The following PLAUR variants were observed in gnomAD, a reference collection of about 807,000 sequenced individuals.
PLAUR encodes urokinase plasminogen activator surface receptor.
Under a neutral mutation model 33.4 loss-of-function variants are expected in PLAUR, and 22 were observed. That is an observed-to-expected ratio of 0.66 (90% CI 0.47 to 0.94). The LOEUF (loss-of-function observed/expected upper bound fraction) is 0.94. Among genes scored for constraint, PLAUR ranks in the 40% least tolerant of loss-of-function variants. PLAUR has a pLI of 0.00. For missense variants in PLAUR, 408 were observed against 434.7 expected, an observed-to-expected ratio of 0.94 and a Z score of 0.55; for synonymous variants, 148 against 167.3, an observed-to-expected ratio of 0.88 and a Z score of 0.89.
At chr19:43,659,334 G>C (rs1259244836) in intron 3 of PLAUR, among the ~76,000 whole-genome samples, 1 of 151,592 alleles carries the variant, frequency 6.6e-6, no homozygotes, top group Non-Finnish European at 1.5e-5. Flanking sequence ...CTGTATTTTT[G>C]TAGAGACAAG....
At chr19:43,663,667 G>A (rs747558934) in intron 3 of PLAUR, among the ~76,000 whole-genome samples, 1 of 152,002 alleles carries the variant, frequency 6.6e-6, no homozygotes, top group Admixed American at 6.6e-5. Flanking sequence ...TGTAATCCCA[G>A]CTACTTGGGA....
Position 43,664,194 on chromosome 19 carries a change from C to T in PLAUR, c.310+1122G>A, listed in dbSNP as rs143696935. On this transcript the variant is annotated intron_variant, in intron 3 of 6. Coordinates refer to ENST00000340093, the MANE Select transcript of PLAUR (RefSeq NM_002659.4). ...CAAACATCTGATTTGGCCCCACCAG[C>T]GGATTAGTGTTTGAGGTCAGGATGG... Among the ~76,000 whole-genome samples the T allele has an allele frequency of 5.3e-5, 8 of 151,840 alleles. 1 individual carries two copies. The highest frequency in any genetic ancestry group is 2.6e-4 in the Admixed American group (4 of 15,228).
At chr19:43,664,047 T>C (rs916615667) in intron 3 of PLAUR, among the ~76,000 whole-genome samples, 1 of 151,786 alleles carries the variant, frequency 6.6e-6, no homozygotes, top group Non-Finnish European at 1.5e-5. Context: ...CTGACCAATA[T>C]TGTTAAATAT....
rs200384971 is a variant in PLAUR at position 43,650,008 on chromosome 19, C to CTTTTTT, written c.755-871_755-866dup. ...AAATAATGCCAGTTTTCTCATTACG[C>CTTTTTT]TTTTTTTTTGTTTTTTTTTTTGAGA... On this transcript the variant is annotated intron_variant, in intron 6 of 6. Coordinates refer to ENST00000340093, the MANE Select transcript of PLAUR (RefSeq NM_002659.4). 2.9e-5 allele frequency among the ~76,000 whole-genome samples: 4 copies of CTTTTTT among 137,306 alleles called. 1 individual carries two copies. Among genetic ancestry groups the CTTTTTT allele is most frequent in the African/African-American group, 3.1e-5 (1 of 32,486 alleles). 90.1% of individuals were successfully genotyped at this position (137,306 alleles called of 152,430 possible).
intron 2 of PLAUR, among the ~76,000 whole-genome samples, chr19:43,665,800 A>C (rs1049696235): frequency 3.4e-5 from 5 of 146,776 alleles, no homozygotes; most frequent in African/African-American, 1.3e-4. Flanking sequence ...AGTAGCTGGA[A>C]CCACAGGCTT....
intron 1 of PLAUR, chr19:43,668,010 C>T (rs1192745004): frequency 2.6e-6 from 3 of 1,166,054 alleles, no homozygotes; most frequent in Non-Finnish European, 3.2e-6. Context: ...TCTATCAGTA[C>T]GTTCTATTCC....
chr19:43,660,493 G>C (rs1966932331), intron 3 of PLAUR: 1 of 148,266 alleles, frequency 6.7e-6, no homozygotes, highest in Non-Finnish European at 1.5e-5. Flanking sequence ...TTTTTTTAAA[G>C]ATGGGGTCTT....
chr19:43,667,261 G>T (rs962665396), intron 2 of PLAUR: 3 of 393,490 alleles, frequency 7.6e-6, no homozygotes, highest in African/African-American at 2.0e-5. Context: ...TGTGGCCAAG[G>T]TTCTTTGGCA....
At chr19:43,654,834 C>T (rs887581244) in intron 5 of PLAUR, among the ~76,000 whole-genome samples, 3 of 152,046 alleles carry the variant, frequency 2.0e-5, no homozygotes, top group South Asian at 2.1e-4. Flanking sequence ...ATTGCAACAA[C>T]CTGGGCAAGA....
At chr19:43,646,906 G>A (rs537965478), downstream of PLAUR, among the ~76,000 whole-genome samples, 6 of 147,624 alleles carry the variant, frequency 4.1e-5, no homozygotes, top group East Asian at 2.0e-4. Flanking sequence ...TCAGCCTTCC[G>A]AGTAGCTGGA....
At chr19:43,648,427 A>G, downstream of PLAUR, 1 of 176,114 alleles carries the variant, frequency 5.7e-6, no homozygotes, top group Non-Finnish European at 1.1e-5. Context: ...TTTGGAGTCC[A>G]GAAATAGATG....
Position 43,655,365 on chromosome 19 carries a change from T to C in PLAUR, c.607+74A>G, listed in dbSNP as rs1600122627. 20 of 1,452,704 alleles carry C rather than the reference T, an allele frequency of 1.4e-5. No individual in the cohort carries two copies. The East Asian group carries it at 4.8e-4, about 35-fold the overall frequency. The allele number at this position is 1,452,704 out of a possible 1,614,324, so 90.0% of individuals were successfully genotyped here. A position where few individuals can be genotyped will look rare whatever the true frequency, so the allele number is the denominator to read the frequency against. ...CAGAGAGGACTTGATTGCCAGAGAG[T>C]GACTGCGCAGCTGTCTGCCTGAGTG... On this transcript the variant is annotated intron_variant, in intron 5 of 6. Coordinates refer to ENST00000340093, the MANE Select transcript of PLAUR (RefSeq NM_002659.4).
At chr19:43,668,692 C>T (rs1967384382) in intron 1 of PLAUR, among the ~76,000 whole-genome samples, 1 of 149,804 alleles carries the variant, frequency 6.7e-6, no homozygotes, top group East Asian at 2.0e-4. Context: ...GAGGTTCCAG[C>T]CCCGCCCTCT....
chr19:43,651,804 C>G (rs989034561), intron 6 of PLAUR: 1 of 995,826 alleles, frequency 1.0e-6, no homozygotes, highest in Non-Finnish European at 1.2e-6. Flanking sequence ...ATACAGAGAC[C>G]TTTCCAGGAC....
downstream of PLAUR, among the ~76,000 whole-genome samples, chr19:43,646,766 C>A (rs1470857141): frequency 1.3e-5 from 2 of 151,622 alleles, no homozygotes; most frequent in Non-Finnish European, 2.9e-5. Context: ...CCTCACCTGC[C>A]CCCAAATACC....
downstream of PLAUR, among the ~76,000 whole-genome samples, chr19:43,647,281 C>T (rs575402703): frequency 3.3e-5 from 5 of 152,266 alleles, no homozygotes; most frequent in East Asian, 1.9e-4. Flanking sequence ...CCTTTATCCC[C>T]GGTCCCCAGC....
chr19:43,659,072 T>C (rs1046455538), intron 3 of PLAUR, among the ~76,000 whole-genome samples: 18 of 152,010 alleles, frequency 1.2e-4, no homozygotes, highest in Non-Finnish European at 2.5e-4. Context: ...CCATTTCTAG[T>C]TCTGCCCACT....
intron 3 of PLAUR, among the ~76,000 whole-genome samples, chr19:43,658,050 A>C (rs1187744483): frequency 6.6e-6 from 1 of 152,116 alleles, no homozygotes; most frequent in Non-Finnish European, 1.5e-5. Context: ...ATTAAAAAAA[A>C]AAAAGAAGAA....
At chr19:43,664,609 C>A (rs1041406589) in intron 3 of PLAUR, among the ~76,000 whole-genome samples, 1 of 152,258 alleles carries the variant, frequency 6.6e-6, no homozygotes, top group African/African-American at 2.4e-5. Flanking sequence ...CACACCCAGC[C>A]TATTATGGAC....
Sources: allele counts gnomAD v4.1 joint callset (sites outside exome capture counted in the v4.1 genomes callset), GRCh38; gene constraint gnomAD v4.1.1; transcripts MANE v1.5; gene names NCBI Gene and HGNC (gene_info 2026-07-23, HGNC 2026-07-21).